The following APBA2 variants were observed in gnomAD, a reference collection of about 807,000 sequenced individuals.
APBA2 encodes the protein amyloid beta precursor protein binding family A member 2, also known as amyloid-beta A4 precursor protein-binding family A member 2.
Under a neutral mutation model 75.0 loss-of-function variants are expected in APBA2, and 30 were observed. The ratio of observed to expected loss-of-function variants is 0.40; its 90% CI spans 0.30 to 0.54. The LOEUF (loss-of-function observed/expected upper bound fraction) is 0.54. Ranked by LOEUF, APBA2 falls within the 20% of genes least tolerant of loss-of-function variation. The probability of loss-of-function intolerance (pLI) is 0.49; values close to 1 mark genes in which losing one functional copy is unlikely to be tolerated. For missense variants in APBA2, 801 were observed against 1,016.1 expected, an observed-to-expected ratio of 0.79 and a Z score of 2.88; for synonymous variants, 444 against 409.6, an observed-to-expected ratio of 1.08 and a Z score of -1.01.
intron 3 of APBA2, among the ~76,000 whole-genome samples, chr15:29,005,944 A>G (rs1026520847): frequency 1.3e-5 from 2 of 152,212 alleles, no homozygotes; most frequent in Non-Finnish European, 2.9e-5. Flanking sequence ...CATAATAAAG[A>G]CCATACAGGC....
chr15:29,055,752 C>T (rs2041857889), intron 4 of APBA2, among the ~76,000 whole-genome samples: 1 of 148,820 alleles, frequency 6.7e-6, no homozygotes, highest in Non-Finnish European at 1.5e-5. Context: ...ATTGGATTTT[C>T]AGCACTTATA....
At chr15:29,108,998 A>T (rs977239448) in intron 13 of APBA2, among the ~76,000 whole-genome samples, 1 of 152,292 alleles carries the variant, frequency 6.6e-6, no homozygotes, top group African/African-American at 2.4e-5. Context: ...ACTGGCCTGA[A>T]TTCTTTTTTC....
At chr15:29,087,977 C>A (rs1348528078) in intron 6 of APBA2, among the ~76,000 whole-genome samples, 1 of 152,216 alleles carries the variant, frequency 6.6e-6, no homozygotes, top group Non-Finnish European at 1.5e-5. Flanking sequence ...CTATCCACAC[C>A]ACCCCGCTCT....
At chr15:29,062,451 G>C (rs1379581502) in intron 4 of APBA2, among the ~76,000 whole-genome samples, 1 of 152,116 alleles carries the variant, frequency 6.6e-6, no homozygotes, top group Non-Finnish European at 1.5e-5. Flanking sequence ...GGCTGGCTCC[G>C]CATGAGCTTC....
intron 10 of APBA2, 120 bp from the exon 11 acceptor site, chr15:29,105,258 AG>A: frequency 2.0e-6 from 2 of 977,970 alleles, no homozygotes; most frequent in Non-Finnish European, 3.0e-6. Context: ...AGCCCGAGCA[AG>A]GGCTCCCTTG....
chr15:28,894,582 G>T (rs1453623205), intron 1 of APBA2, among the ~76,000 whole-genome samples: 1 of 152,208 alleles, frequency 6.6e-6, no homozygotes, highest in African/African-American at 2.4e-5. Flanking sequence ...CTGGGCACAG[G>T]GGGGACTATG....
chr15:29,040,359 G>T (rs1232490467), intron 3 of APBA2, among the ~76,000 whole-genome samples: 3 of 152,240 alleles, frequency 2.0e-5, no homozygotes, highest in African/African-American at 7.2e-5. Context: ...AGAGGAACCA[G>T]GAAAAGGTGC....
Position 29,117,140 on chromosome 15 carries a change from C to G in APBA2, c.*7C>G, listed in dbSNP as rs752408604. 32 of 1,612,650 alleles carry G rather than the reference C, an allele frequency of 2.0e-5. No homozygotes were observed. The highest frequency in any genetic ancestry group is 2.6e-5 in the Non-Finnish European group (31 of 1,179,716). Reference sequence around the variant, plus strand: ...GACCCCGCTGTACATCTAGGCCACCCCAGCCTGGCCACGCAGCCAGGACAC... The same window carrying G: ...GACCCCGCTGTACATCTAGGCCACCGCAGCCTGGCCACGCAGCCAGGACAC... On this transcript the variant is annotated 3_prime_UTR_variant, in exon 15 of 15. Coordinates refer to ENST00000683413, the MANE Select transcript of APBA2 (RefSeq NM_001353788.2).
At chr15:28,894,380 G>A (rs144001360) in intron 1 of APBA2, among the ~76,000 whole-genome samples, 80,462 of 152,028 alleles carry the variant, frequency 0.53, 22,017 homozygotes, top group African/African-American at 0.65. Context: ...AGAATGTGCA[G>A]TGGCATCAGA....
At chr15:29,093,536 T>G (rs1238754584) in intron 7 of APBA2, among the ~76,000 whole-genome samples, 4 of 152,254 alleles carry the variant, frequency 2.6e-5, no homozygotes, top group African/African-American at 9.6e-5. Context: ...TATGTGTATT[T>G]TTAGTGCCAT....
At chr15:29,023,529 C>T (rs1417805309) in intron 3 of APBA2, among the ~76,000 whole-genome samples, 1 of 137,258 alleles carries the variant, frequency 7.3e-6, no homozygotes, top group Non-Finnish European at 1.5e-5. Flanking sequence ...GATCTTGGCT[C>T]ACTGCAACCT....
At chr15:29,024,047 G>T (rs1219056719) in intron 3 of APBA2, among the ~76,000 whole-genome samples, 1 of 151,718 alleles carries the variant, frequency 6.6e-6, no homozygotes, top group Non-Finnish European at 1.5e-5. Context: ...GGGATTACAG[G>T]TGCATGCCAC....
At chr15:29,106,840 C>T (rs556509815) in intron 12 of APBA2, 21 bp downstream of exon 12, 92 of 1,603,512 alleles carry the variant, frequency 5.7e-5, no homozygotes, top group East Asian at 8.9e-5. Flanking sequence ...TGGGATCCTC[C>T]GCCCAGGGGT....
At chr15:28,987,103 CAT>C (rs3052769) in intron 2 of APBA2, among the ~76,000 whole-genome samples, 48,249 of 151,898 alleles carry the variant, frequency 0.32, 13,312 homozygotes, top group African/African-American at 0.73. Context: ...TAGGTTTTAA[CAT>C]GTGAATTTGG....
chr15:29,027,333 T>C (rs367804957), intron 3 of APBA2, among the ~76,000 whole-genome samples: 44 of 152,342 alleles, frequency 2.9e-4, no homozygotes, highest in African/African-American at 1.1e-3. Flanking sequence ...TATTCAGTTT[T>C]TCTACTTATT....
At chr15:28,985,320 G>C (rs753741028) in intron 2 of APBA2, among the ~76,000 whole-genome samples, 8 of 152,198 alleles carry the variant, frequency 5.3e-5, no homozygotes, top group Admixed American at 2.6e-4. Flanking sequence ...GCCCCTTCAT[G>C]CTTTGCACTT....
chr15:29,103,169 C>A (rs533439237), intron 10 of APBA2, among the ~76,000 whole-genome samples: 41 of 152,286 alleles, frequency 2.7e-4, no homozygotes, highest in African/African-American at 9.4e-4. Flanking sequence ...GGCCCGGTGG[C>A]GAAGGGTGGC....
At chr15:28,940,633 C>G (rs1387666467) in intron 2 of APBA2, among the ~76,000 whole-genome samples, 2 of 152,054 alleles carry the variant, frequency 1.3e-5, no homozygotes, top group Non-Finnish European at 2.9e-5. Context: ...ATAAGTAGCC[C>G]TAGAGCGTTC....
chr15:29,108,501 C>T, intron 13 of APBA2, 112 bp downstream of exon 13: 2 of 1,557,540 alleles, frequency 1.3e-6, no homozygotes, highest in Non-Finnish European at 1.8e-6. Flanking sequence ...AGGACCTGGC[C>T]TGTGGTTGCA....
Sources: gnomAD v4.1 joint callset for allele counts (sites outside exome capture counted in the v4.1 genomes callset) on GRCh38, gnomAD v4.1.1 for gene constraint, MANE v1.5 for transcripts, NCBI Gene and HGNC (gene_info 2026-07-23, HGNC 2026-07-21) for gene names.